ZFYVE28: variants seen among roughly 807,000 people sequenced by gnomAD.
The protein encoded by ZFYVE28 is lateral signaling target protein 2 homolog.
Under a neutral mutation model 82.1 loss-of-function variants are expected in ZFYVE28, and 40 were observed. The ratio of observed to expected loss-of-function variants is 0.49; its 90% CI spans 0.38 to 0.63. The LOEUF (loss-of-function observed/expected upper bound fraction) is 0.63, where lower values mean the gene tolerates loss of function less well. ZFYVE28 is among the 30% of genes least tolerant of loss of function. ZFYVE28 has a pLI of 0.00. For synonymous variants in ZFYVE28, 612 were observed against 546.1 expected (o/e 1.12, Z -1.68); for missense variants, 1,321 against 1,242.1 (o/e 1.06, Z -0.96).
At position 2,418,272 on chromosome 4, in the gene ZFYVE28, C is replaced by T. The variant is rs374575756; in HGVS notation, c.39+13G>A. 13 of 1,534,396 alleles carry T rather than the reference C, an allele frequency of 8.5e-6. No homozygotes were observed. In the Admixed American group the frequency reaches 1.4e-4, roughly 17 times the overall value. On this transcript the variant is annotated intron_variant, in intron 1 of 12. Transcript: ENST00000290974. This position sits in a 1 kb window ranked among gnomAD's most constrained non-coding sequence, Gnocchi z 4.6. ...CGACGCGGGGGGCGTCCGGCCCGAGCGGGGCCGCTCACCTTGGGTTTGTAG... is the reference window on the plus strand; with the variant it reads ...CGACGCGGGGGGCGTCCGGCCCGAGTGGGGCCGCTCACCTTGGGTTTGTAG...
chr4:2,295,137 T>C (rs1303696787), intron 8 of ZFYVE28, among the ~76,000 whole-genome samples: 1 of 150,454 alleles, frequency 6.6e-6, no homozygotes, highest in Non-Finnish European at 1.5e-5. Context: ...GCCAATCATA[T>C]TTCAATAAAG....
chr4:2,343,302 C>G (rs930782296), intron 2 of ZFYVE28: 1 of 152,138 alleles, frequency 6.6e-6, no homozygotes, highest in Admixed American at 6.5e-5. Context: ...CTAATTGACA[C>G]TCTCACCTTG....
chr4:2,278,918 G>A (rs1431682977), intron 8 of ZFYVE28, among the ~76,000 whole-genome samples: 6 of 137,344 alleles, frequency 4.4e-5, no homozygotes, highest in South Asian at 2.3e-4. Context: ...CTATTAGGAC[G>A]ATTAGAATGT....
intron 1 of ZFYVE28, among the ~76,000 whole-genome samples, chr4:2,398,435 G>A (rs1482096601): frequency 1.3e-5 from 2 of 152,242 alleles, no homozygotes; most frequent in African/African-American, 4.8e-5. Flanking sequence ...CTACATGGTT[G>A]CTGCTTTAGA....
chr4:2,368,216 A>AAAAAAAC (rs1553856546), intron 1 of ZFYVE28, among the ~76,000 whole-genome samples: 3 of 122,822 alleles, frequency 2.4e-5, no homozygotes, highest in Admixed American at 7.7e-5. Flanking sequence ...CTCTACAAAA[A>AAAAAAAC]AAAAAAAAAA....
intron 1 of ZFYVE28, among the ~76,000 whole-genome samples, chr4:2,406,047 C>CAAAAA (rs766149952): frequency 2.2e-5 from 2 of 90,476 alleles, no homozygotes; most frequent in African/African-American, 5.7e-5. Context: ...GATTCTGTCT[C>CAAAAA]AAAAAAAAAA....
Position 2,270,656 on chromosome 4 carries a change from C to G in ZFYVE28, c.*69G>C. On this transcript the variant is annotated 3_prime_UTR_variant, in exon 13 of 13. Coordinates refer to ENST00000290974, the MANE Select transcript of ZFYVE28 (RefSeq NM_020972.3). The stretch of plus-strand genomic sequence containing the variant: ...GCCTCATGAGACGCAGTGAGACCTG[C>G]CTGCAGCGTGGCCCCACCTTCCTGG... 3 of 1,601,152 alleles carry G rather than the reference C, an allele frequency of 1.9e-6. No individual in the cohort carries two copies. Among genetic ancestry groups the G allele is most frequent in the South Asian group, 2.2e-5 (2 of 89,374 alleles).
At chr4:2,381,568 G>A (rs536362598) in intron 1 of ZFYVE28, among the ~76,000 whole-genome samples, 5 of 152,124 alleles carry the variant, frequency 3.3e-5, no homozygotes, top group South Asian at 2.1e-4. Context: ...CACCATGCCC[G>A]GCTAATTTTT....
At chr4:2,348,773 A>G (rs1723941427) in intron 2 of ZFYVE28, among the ~76,000 whole-genome samples, 1 of 152,204 alleles carries the variant, frequency 6.6e-6, no homozygotes, top group Admixed American at 6.5e-5. Flanking sequence ...TCTTAGCAAC[A>G]TATCTGATCT....
intron 1 of ZFYVE28, among the ~76,000 whole-genome samples, chr4:2,361,060 G>T (rs367687332): frequency 6.6e-6 from 1 of 152,122 alleles, no homozygotes; most frequent in Non-Finnish European, 1.5e-5. Context: ...AATTGTAAAA[G>T]AATAAATTAG....
intron 8 of ZFYVE28, among the ~76,000 whole-genome samples, chr4:2,288,844 T>C (rs1713166001): frequency 6.6e-6 from 1 of 152,024 alleles, no homozygotes; most frequent in Non-Finnish European, 1.5e-5. Flanking sequence ...TAGCTGGGCA[T>C]GGCAGCACAT....
chr4:2,319,495 C>A (rs1046131847), intron 7 of ZFYVE28, among the ~76,000 whole-genome samples: 1 of 152,142 alleles, frequency 6.6e-6, no homozygotes, highest in Non-Finnish European at 1.5e-5. Flanking sequence ...TCTGGGTCCC[C>A]GAAGGAAACC....
At chr4:2,330,742 C>G in intron 6 of ZFYVE28, 1 of 1,475,246 alleles carries the variant, frequency 6.8e-7, no homozygotes, top group Non-Finnish European at 9.0e-7. Context: ...GAAAAGGGGA[C>G]AGTGCGGGGG....
At chr4:2,274,945 C>T (rs372307922) in intron 8 of ZFYVE28, among the ~76,000 whole-genome samples, 11 of 138,030 alleles carry the variant, frequency 8.0e-5, no homozygotes, top group East Asian at 5.8e-4. Context: ...TTCGGGCCTC[C>T]GACTGCGAGA....
At chr4:2,306,159 A>G (rs934729634) in intron 7 of ZFYVE28, among the ~76,000 whole-genome samples, 2 of 152,264 alleles carry the variant, frequency 1.3e-5, no homozygotes, top group Non-Finnish European at 2.9e-5. Context: ...TGGAGGAAGA[A>G]GCATTGAGGC....
In ZFYVE28 at chr4:2,417,844, T is replaced by TGGGGGCAGGACGGGAATGA. The variant is rs1733266058; in HGVS notation, c.39+422_39+440dup. Among the ~76,000 whole-genome samples, 6 of 87,924 alleles carry TGGGGGCAGGACGGGAATGA rather than the reference T, an allele frequency of 6.8e-5. No individual in the cohort carries two copies. Among genetic ancestry groups the TGGGGGCAGGACGGGAATGA allele is most frequent in the Admixed American group, 4.5e-4 (4 of 8,842 alleles). The allele number at this position is 87,924 out of a possible 152,430, so 57.7% of individuals were successfully genotyped here. A position where few individuals can be genotyped will look rare whatever the true frequency, so the allele number is the denominator to read the frequency against. ...TATTCCGGGCCCAGGACAATGGGGG[T>TGGGGGCAGGACGGGAATGA]GGGGGCAGGACGGGAATGAGGGGGC... On this transcript the variant is annotated intron_variant, in intron 1 of 12. Transcript: ENST00000290974. This position sits in a 1 kb window ranked among gnomAD's most constrained non-coding sequence, Gnocchi z 4.8.
chr4:2,357,829 C>T (rs961894664), intron 1 of ZFYVE28, among the ~76,000 whole-genome samples: 2 of 152,182 alleles, frequency 1.3e-5, no homozygotes, highest in African/African-American at 4.8e-5. Flanking sequence ...CACGCAGAGA[C>T]CCCCAGAAAG....
intron 3 of ZFYVE28, among the ~76,000 whole-genome samples, chr4:2,340,916 G>A (rs184350553): frequency 3.9e-5 from 6 of 152,180 alleles, no homozygotes; most frequent in Admixed American, 3.3e-4. Context: ...TGGCGGTGTC[G>A]GGGCTGAGGT....
At chr4:2,314,666 C>T (rs1717948256) in intron 7 of ZFYVE28, among the ~76,000 whole-genome samples, 1 of 152,178 alleles carries the variant, frequency 6.6e-6, no homozygotes, top group African/African-American at 2.4e-5. Flanking sequence ...GTCTTTTCTG[C>T]TACTTGTATA....
Sources: allele counts gnomAD v4.1 joint callset (sites outside exome capture counted in the v4.1 genomes callset), GRCh38; gene constraint gnomAD v4.1.1; non-coding constraint Gnocchi (gnomAD v3.1); transcripts MANE v1.5; gene names NCBI Gene and HGNC (gene_info 2026-07-23, HGNC 2026-07-21).